PPP2R5A: variants seen among roughly 807,000 people sequenced by gnomAD.
The protein encoded by PPP2R5A is serine/threonine-protein phosphatase 2A 56 kDa regulatory subunit alpha isoform.
Under a neutral mutation model 64.2 loss-of-function variants are expected in PPP2R5A, and 25 were observed. That is an observed-to-expected ratio of 0.39 (90% CI 0.28 to 0.54). The LOEUF (loss-of-function observed/expected upper bound fraction) is 0.54. PPP2R5A is among the 20% of genes least tolerant of loss of function. The pLI is 0.67. For synonymous variants in PPP2R5A, 198 were observed against 201.2 expected (o/e 0.98, Z 0.13); for missense variants, 425 against 576.3 (o/e 0.74, Z 2.69).
At chr1:212,319,508 T>C (rs1233227466) in intron 1 of PPP2R5A, 1 of 152,216 alleles carries the variant, frequency 6.6e-6, no homozygotes, top group African/African-American at 2.4e-5. Context: ...CAGACTTCAT[T>C]TGCAAGAATT....
chr1:212,291,835 GTTTTC>G (rs796603077), intron 1 of PPP2R5A, among the ~76,000 whole-genome samples: 13 of 152,344 alleles, frequency 8.5e-5, no homozygotes, highest in African/African-American at 3.1e-4. Context: ...AGGGTGGTCA[GTTTTC>G]TTTTCTCTGT....
At chr1:212,307,205 C>G (rs982852048) in intron 1 of PPP2R5A, among the ~76,000 whole-genome samples, 1 of 149,896 alleles carries the variant, frequency 6.7e-6, no homozygotes, top group African/African-American at 2.4e-5. Flanking sequence ...TGAATATTTT[C>G]TAATGCAGCA....
chr1:212,307,601 T>C (rs745783087), intron 1 of PPP2R5A, among the ~76,000 whole-genome samples: 2 of 152,220 alleles, frequency 1.3e-5, no homozygotes, highest in East Asian at 3.8e-4. Context: ...TATTATTTTG[T>C]GTAATGGCTG....
At chr1:212,351,628 T>A (rs1659881587) in intron 8 of PPP2R5A, among the ~76,000 whole-genome samples, 1 of 151,924 alleles carries the variant, frequency 6.6e-6, no homozygotes, top group Non-Finnish European at 1.5e-5. Context: ...GCAGAATTGC[T>A]TGAGGCAGGA....
intron 3 of PPP2R5A, among the ~76,000 whole-genome samples, chr1:212,338,796 AAAG>A (rs1659633155): frequency 2.6e-5 from 4 of 151,980 alleles, no homozygotes; most frequent in Non-Finnish European, 4.4e-5. Context: ...CAAAAAAAAA[AAAG>A]AAAGAAAACA....
chr1:212,314,230 A>G (rs913472004), intron 1 of PPP2R5A, among the ~76,000 whole-genome samples: 10 of 152,136 alleles, frequency 6.6e-5, no homozygotes, highest in Non-Finnish European at 1.5e-4. Flanking sequence ...ACTACCAGAC[A>G]TAAGAGTTAT....
intron 8 of PPP2R5A, among the ~76,000 whole-genome samples, chr1:212,352,616 A>T (rs1350475142): frequency 6.6e-6 from 1 of 150,796 alleles, no homozygotes; most frequent in South Asian, 2.1e-4. Context: ...TGCCCAGCTA[A>T]TTTTTTTGTA....
chr1:212,303,302 T>C, intron 1 of PPP2R5A, among the ~76,000 whole-genome samples: 1 of 152,226 alleles, frequency 6.6e-6, no homozygotes, highest in Non-Finnish European at 1.5e-5. Flanking sequence ...TGAACTAGTA[T>C]CTCTTCGTGG....
intron 1 of PPP2R5A, chr1:212,302,205 A>G (rs1558140204): frequency 2.0e-6 from 2 of 981,608 alleles, no homozygotes; most frequent in East Asian, 5.5e-5. Context: ...AAGCAAAACC[A>G]CATTACAGGG....
intron 1 of PPP2R5A, among the ~76,000 whole-genome samples, chr1:212,318,990 T>C (rs916678506): frequency 9.2e-5 from 14 of 152,228 alleles, no homozygotes; most frequent in Admixed American, 7.9e-4. Flanking sequence ...AATTTATGTG[T>C]AGGACATTCT....
chr1:212,293,498 G>C (rs1407110678), intron 1 of PPP2R5A, among the ~76,000 whole-genome samples: 2 of 152,174 alleles, frequency 1.3e-5, no homozygotes. Flanking sequence ...TTGTATGACA[G>C]ACTGGGATTA....
At chr1:212,360,197 T>G (rs960092541) in intron 12 of PPP2R5A, among the ~76,000 whole-genome samples, 1 of 152,186 alleles carries the variant, frequency 6.6e-6, no homozygotes, top group Admixed American at 6.5e-5. Context: ...GGTTAGTGGC[T>G]AGAGATGTGG....
At chr1:212,337,083 T>G (rs1160206831) in intron 3 of PPP2R5A, among the ~76,000 whole-genome samples, 1 of 152,128 alleles carries the variant, frequency 6.6e-6, no homozygotes, top group East Asian at 1.9e-4. Context: ...TAAAAAGAGA[T>G]AGAAGAAAGG....
intron 3 of PPP2R5A, among the ~76,000 whole-genome samples, chr1:212,336,906 C>T (rs1659601577): frequency 1.3e-5 from 2 of 152,162 alleles, no homozygotes; most frequent in Non-Finnish European, 2.9e-5. Flanking sequence ...GGAAAATAAA[C>T]ATTAGTTGTT....
At position 212,297,093 on chromosome 1, in the gene PPP2R5A, C is replaced by CCTCTTTTTTTTTTT. The variant is rs1558138694; in HGVS notation, c.181+10802_181+10803insCTCTTTTTTTTTTT. On this transcript the variant is annotated intron_variant, in intron 1 of 12. Coordinates refer to ENST00000261461, the MANE Select transcript of PPP2R5A (RefSeq NM_006243.4). ...ACGTTTCTTTTCTTTTTCTTTGCTT[C>CCTCTTTTTTTTTTT]TTCTTTTTTTTTTTTTTTTTTTTTT... Among the ~76,000 whole-genome samples, 4 of 81,916 alleles carry CCTCTTTTTTTTTTT rather than the reference C, an allele frequency of 4.9e-5. 2 individuals are homozygous for CCTCTTTTTTTTTTT. The highest frequency in any genetic ancestry group is 2.0e-4 in the African/African-American group (4 of 19,982). 53.7% of individuals were successfully genotyped at this position (81,916 alleles called of 152,430 possible). A position where few individuals can be genotyped will look rare whatever the true frequency, so the allele number is the denominator to read the frequency against.
intron 1 of PPP2R5A, chr1:212,299,537 T>TA (rs1471621349): frequency 3.9e-5 from 6 of 152,194 alleles, no homozygotes; most frequent in Admixed American, 6.5e-5. Flanking sequence ...CTCAATTTGA[T>TA]AGAGGAAAAA....
chr1:212,329,387 A>G (rs1659462223), intron 2 of PPP2R5A, 56 bp downstream of exon 2: 4 of 1,334,456 alleles, frequency 3.0e-6, no homozygotes, highest in East Asian at 5.1e-5. Context: ...TCTGAGGTAT[A>G]ATAATGAATT....
chr1:212,307,777 G>GAACAGCTAGC (rs1378916979), intron 1 of PPP2R5A, among the ~76,000 whole-genome samples: 2 of 152,128 alleles, frequency 1.3e-5, no homozygotes, highest in African/African-American at 4.8e-5. Context: ...CTATAAGGTA[G>GAACAGCTAGC]AACAGCTAGC....
chr1:212,334,762 A>G (rs1327328256), intron 3 of PPP2R5A, among the ~76,000 whole-genome samples: 1 of 152,116 alleles, frequency 6.6e-6, no homozygotes, highest in Non-Finnish European at 1.5e-5. Context: ...CATTAATCTT[A>G]TTGAGGATCT....
Sources: allele counts gnomAD v4.1 joint callset (sites outside exome capture counted in the v4.1 genomes callset), GRCh38; gene constraint gnomAD v4.1.1; transcripts MANE v1.5; gene names NCBI Gene and HGNC (gene_info 2026-07-23, HGNC 2026-07-21).